Variants in TTBK2 observed in about 807,000 individuals in gnomAD.
TTBK2 encodes the protein tau-tubulin kinase 2.
A neutral mutation model predicts 110.8 loss-of-function variants in TTBK2; 28 were observed. The observed-to-expected ratio is 0.25, with a 90% CI of 0.19 to 0.35. The LOEUF (loss-of-function observed/expected upper bound fraction) is 0.35, where lower values mean the gene tolerates loss of function less well. TTBK2 is among the 10% of genes least tolerant of loss of function. The pLI, the probability that TTBK2 is intolerant of heterozygous loss-of-function variation, is 1.00. For synonymous variants in TTBK2, 532 were observed against 527.3 expected (o/e 1.01, Z -0.12); for missense variants, 1,369 against 1,500.3 (o/e 0.91, Z 1.45).
intron 9 of TTBK2, chr15:42,801,228 T>A (rs759498461): frequency 6.6e-7 from 1 of 1,524,370 alleles, no homozygotes; most frequent in Non-Finnish European, 9.0e-7. Flanking sequence ...CTCCTCGCCC[T>A]CCAACAGCTT....
chr15:42,840,218 G>A (rs1893162428), intron 4 of TTBK2, 142 bp downstream of exon 4: 4 of 801,332 alleles, frequency 5.0e-6, no homozygotes, highest in Non-Finnish European at 8.7e-6. Flanking sequence ...TATCAAGTCT[G>A]TTTAAATACA....
intron 14 of TTBK2, among the ~76,000 whole-genome samples, chr15:42,749,175 C>T (rs918220027): frequency 3.3e-5 from 5 of 152,152 alleles, no homozygotes; most frequent in Non-Finnish European, 7.4e-5. Flanking sequence ...AAATATTTTG[C>T]CCACTCCGTA....
At chr15:42,789,063 C>T (rs934207475) in intron 10 of TTBK2, among the ~76,000 whole-genome samples, 34 of 152,152 alleles carry the variant, frequency 2.2e-4, no homozygotes, top group Non-Finnish European at 1.3e-4. Context: ...ATCTCTAATA[C>T]AATTTTATTT....
At chr15:42,895,718 T>C (rs995953920) in intron 1 of TTBK2, among the ~76,000 whole-genome samples, 5 of 151,942 alleles carry the variant, frequency 3.3e-5, no homozygotes, top group Non-Finnish European at 5.9e-5. Context: ...TTTGTATTTT[T>C]AGTAGAGACG....
chr15:42,853,647 A>C (rs1370489342), intron 3 of TTBK2, among the ~76,000 whole-genome samples: 1 of 152,216 alleles, frequency 6.6e-6, no homozygotes, highest in Non-Finnish European at 1.5e-5. Flanking sequence ...AAGAAGGGCC[A>C]AACAACTTTC....
chr15:42,919,704 G>A, intron 1 of TTBK2: 3 of 636,966 alleles, frequency 4.7e-6, no homozygotes, highest in Non-Finnish European at 5.9e-6. Flanking sequence ...TACCAGGATT[G>A]CTGCTACCCA....
chr15:42,897,129 G>A (rs889214087), intron 1 of TTBK2, among the ~76,000 whole-genome samples: 22 of 151,836 alleles, frequency 1.4e-4, no homozygotes, highest in Non-Finnish European at 2.4e-4. Flanking sequence ...CACCCGCCTC[G>A]GCCTCCCAAA....
chr15:42,835,274 C>T lies in TTBK2; in HGVS notation c.291+5086G>A, dbSNP rs190613103. 1.1e-4 allele frequency among the ~76,000 whole-genome samples: 16 copies of T among 152,276 alleles called. No homozygotes were observed. In the East Asian group the frequency reaches 3.1e-3, roughly 29 times the overall value. The stretch of plus-strand genomic sequence containing the variant: ...AACTCACTGACCAATCTTAACCTCA[C>T]TGAAAGACAGACAACCAGATACTGC... On this transcript the variant is annotated intron_variant, in intron 4 of 14. Transcript: ENST00000267890.
intron 3 of TTBK2, among the ~76,000 whole-genome samples, chr15:42,868,559 A>G (rs1484713651): frequency 6.6e-6 from 1 of 152,088 alleles, no homozygotes; most frequent in Non-Finnish European, 1.5e-5. Context: ...AGTAAATTTA[A>G]TATTTGCCTG....
At chr15:42,767,637 AG>A (rs1354991542) in intron 13 of TTBK2, among the ~76,000 whole-genome samples, 1 of 152,214 alleles carries the variant, frequency 6.6e-6, no homozygotes, top group Non-Finnish European at 1.5e-5. Context: ...ACCAACCAAA[AG>A]AAGTCCAGGA....
chr15:42,746,371 C>T, intron 14 of TTBK2, 114 bp from the exon 15 acceptor site: 2 of 812,448 alleles, frequency 2.5e-6, no homozygotes, highest in South Asian at 1.7e-5. Context: ...AATAGACTAA[C>T]AGGATACAGG....
chr15:42,913,119 G>A (rs1230223873), intron 1 of TTBK2, among the ~76,000 whole-genome samples: 1 of 121,588 alleles, frequency 8.2e-6, no homozygotes, highest in Middle Eastern at 6.1e-3. Flanking sequence ...GCGACAGAGC[G>A]AGACTCCGTC....
At chr15:42,900,536 C>T (rs2029927942) in intron 1 of TTBK2, among the ~76,000 whole-genome samples, 1 of 151,960 alleles carries the variant, frequency 6.6e-6, no homozygotes, top group African/African-American at 2.4e-5. Context: ...CTGGCCAACA[C>T]AGCAGCAAAA....
intron 1 of TTBK2, among the ~76,000 whole-genome samples, chr15:42,890,042 G>C (rs572987378): frequency 1.3e-5 from 2 of 152,302 alleles, no homozygotes; most frequent in East Asian, 3.9e-4. Context: ...AGCAACTGAA[G>C]ATCCACAAAA....
chr15:42,876,908 A>G (rs1412607875), intron 2 of TTBK2, among the ~76,000 whole-genome samples: 1 of 152,214 alleles, frequency 6.6e-6, no homozygotes, highest in East Asian at 1.9e-4. Flanking sequence ...ATTTATAAGG[A>G]TAACTACCAT....
intron 11 of TTBK2, among the ~76,000 whole-genome samples, chr15:42,783,028 C>T (rs560170730): frequency 5.3e-5 from 8 of 152,290 alleles, no homozygotes; most frequent in African/African-American, 1.9e-4. Context: ...TTGTCAACAG[C>T]CAAATCACAT....
rs2061733118 is a variant in TTBK2, at chr15:42,738,906, T to C, written c.*6889A>G. The C allele has an allele frequency of 6.6e-6, 1 of 152,216 alleles. No homozygotes were observed. Among genetic ancestry groups the C allele is most frequent in the African/African-American group, 2.4e-5 (1 of 41,450 alleles). 9.4% of individuals were successfully genotyped at this position (152,216 alleles called of 1,614,324 possible). On this transcript the variant is annotated 3_prime_UTR_variant, in exon 15 of 15. Transcript: ENST00000267890. ...ATCTTGTAACATCTGGTGTATTCAA[T>C]AACTTTATTAAATTAGAAAAATATT...
chr15:42,877,237 A>C (rs961006298), intron 2 of TTBK2, among the ~76,000 whole-genome samples: 19 of 152,316 alleles, frequency 1.2e-4, no homozygotes, highest in Middle Eastern at 3.4e-3. Context: ...CACAAAAAAG[A>C]TAGACAGACG....
At chr15:42,902,411 T>C (rs2030101087) in intron 1 of TTBK2, among the ~76,000 whole-genome samples, 1 of 152,002 alleles carries the variant, frequency 6.6e-6, no homozygotes, top group South Asian at 2.1e-4. Flanking sequence ...TCCCAGCTAC[T>C]TGGGAGGCTG....
Sources: gnomAD v4.1 joint callset for allele counts (sites outside exome capture counted in the v4.1 genomes callset) on GRCh38, gnomAD v4.1.1 for gene constraint, MANE v1.5 for transcripts, NCBI Gene and HGNC (gene_info 2026-07-23, HGNC 2026-07-21) for gene names.